Variants in GPC4 observed in about 807,000 individuals in gnomAD.
GPC4 encodes the protein glypican 4.
In GPC4, 10 loss-of-function variants were observed where a neutral mutation model predicts 35.0. The ratio of observed to expected loss-of-function variants is 0.29; its 90% CI spans 0.18 to 0.48. GPC4 has a LOEUF of 0.48. Among genes scored for constraint, GPC4 ranks in the 20% least tolerant of loss-of-function variants. The pLI is 0.99. For missense variants in GPC4, 322 were observed against 451.3 expected, an observed-to-expected ratio of 0.71 and a Z score of 2.60; for synonymous variants, 167 against 170.2, an observed-to-expected ratio of 0.98 and a Z score of 0.15.
chrX:133,354,552 A>ATTT (rs1569348984), intron 1 of GPC4, among the ~76,000 whole-genome samples: 1 of 89,045 alleles, frequency 1.1e-5, no homozygotes, highest in African/African-American at 5.5e-5. Context: ...TTATTTATTT[A>ATTT]TTTATTTATT....
At chrX:133,377,774 G>C (rs890627791) in intron 1 of GPC4, among the ~76,000 whole-genome samples, 3 of 110,458 alleles carry the variant, frequency 2.7e-5, no homozygotes, top group Non-Finnish European at 3.8e-5. Context: ...GCTAATAAGT[G>C]GCAGTGAGGC....
At chrX:133,305,974 G>C (rs1437873594) in intron 5 of GPC4, 50 bp downstream of exon 5, 1 of 1,207,815 alleles carries the variant, frequency 8.3e-7, no homozygotes, top group African/African-American at 1.8e-5. Flanking sequence ...GCGGGAGGCG[G>C]AGGCGGGGGA....
chrX:133,312,314 G>A (rs894909233), intron 3 of GPC4, among the ~76,000 whole-genome samples: 2 of 110,748 alleles, frequency 1.8e-5, no homozygotes, highest in Non-Finnish European at 3.8e-5. Context: ...GAATTTAGAG[G>A]GGCTTAAACA....
At chrX:133,352,901 A>G (rs2068522927) in intron 1 of GPC4, among the ~76,000 whole-genome samples, 1 of 111,993 alleles carries the variant, frequency 8.9e-6, no homozygotes, top group East Asian at 2.8e-4. Flanking sequence ...CTTAAGTACC[A>G]CAGGGAAGGA....
chrX:133,354,568 A>ATTTTTTTTTTTTTTTT (rs77166014), intron 1 of GPC4, among the ~76,000 whole-genome samples: 1 of 95,206 alleles, frequency 1.1e-5, no homozygotes, highest in African/African-American at 4.2e-5. Context: ...TTATTTATTT[A>ATTTTTTTTTTTTTTTT]TTTTTTTTTT....
At chrX:133,307,314 G>C (rs755802686) in intron 4 of GPC4, among the ~76,000 whole-genome samples, 2 of 112,083 alleles carry the variant, frequency 1.8e-5, no homozygotes, top group South Asian at 3.8e-4. Context: ...AGCAGCATAG[G>C]CATCAGCATA....
chrX:133,392,982 A>T (rs760117430), intron 1 of GPC4, among the ~76,000 whole-genome samples: 12 of 112,412 alleles, frequency 1.1e-4, no homozygotes, highest in Non-Finnish European at 2.1e-4. Context: ...CGTGGAAGCC[A>T]ATGACACAGG....
chrX:133,389,567 C>T (rs1354846710), intron 1 of GPC4, among the ~76,000 whole-genome samples: 1 of 111,391 alleles, frequency 9.0e-6, no homozygotes, highest in Non-Finnish European at 1.9e-5. Flanking sequence ...AGGAAGAACA[C>T]GTGTATAAAG....
intron 1 of GPC4, among the ~76,000 whole-genome samples, chrX:133,362,696 T>A (rs754261287): frequency 1.8e-5 from 2 of 112,167 alleles, no homozygotes; most frequent in African/African-American, 6.5e-5. Context: ...GGAACAAACA[T>A]CCTCTGTCAG....
intron 2 of GPC4, among the ~76,000 whole-genome samples, chrX:133,335,220 G>C (rs767421889): frequency 9.0e-6 from 1 of 111,432 alleles, no homozygotes; most frequent in Non-Finnish European, 1.9e-5. Context: ...TTGGCCAAGA[G>C]GGGGAGCAGC....
intron 1 of GPC4, among the ~76,000 whole-genome samples, chrX:133,395,629 T>A (rs1164077514): frequency 9.0e-6 from 1 of 111,373 alleles, no homozygotes; most frequent in Admixed American, 9.6e-5. Flanking sequence ...ATCTCAAAAA[T>A]AAAAAAATGA....
intron 1 of GPC4, among the ~76,000 whole-genome samples, chrX:133,398,635 G>A (rs2068755032): frequency 9.1e-6 from 1 of 110,481 alleles, no homozygotes; most frequent in Non-Finnish European, 1.9e-5. Context: ...AGGTGTGGTG[G>A]CAAGCACCTG....
intron 2 of GPC4, among the ~76,000 whole-genome samples, chrX:133,333,110 T>C (rs1012139021): frequency 1.8e-5 from 2 of 112,256 alleles, no homozygotes; most frequent in African/African-American, 6.5e-5. Context: ...ATTCTCTCAA[T>C]CAATCGGTTG....
Position 133,339,430 on chromosome X carries a change from T to G in GPC4, c.161-89A>C, listed in dbSNP as rs941774744. 4.7e-5 allele frequency: 40 copies of G among 846,636 alleles called. No individual in the cohort carries two copies. In the African/African-American group the frequency reaches 7.1e-4, roughly 15 times the overall value. The allele number at this position is 846,636 out of a possible 1,213,427, so 69.8% of individuals were successfully genotyped here. ...TTTGATTTAGGTTCATTTCAACCTG[T>G]GAGGCTCCTGCAAAGGCCCAGGCAA... is the stretch of plus-strand genomic sequence containing the variant. On this transcript the variant is annotated intron_variant, in intron 1 of 8. Coordinates refer to ENST00000370828, the MANE Select transcript of GPC4 (RefSeq NM_001448.3).
chrX:133,342,418 G>T (rs1286380747), intron 1 of GPC4, among the ~76,000 whole-genome samples: 1 of 111,653 alleles, frequency 9.0e-6, no homozygotes, highest in African/African-American at 3.3e-5. Context: ...GTCTAATGGT[G>T]AAAGGCTTGC....
At chrX:133,414,672 C>T in intron 1 of GPC4, 134 bp downstream of exon 1, 1 of 1,139,851 alleles carries the variant, frequency 8.8e-7, no homozygotes, top group Non-Finnish European at 1.2e-6. Flanking sequence ...TCGCTCCTGC[C>T]CTCTCGACTG....
intron 1 of GPC4, among the ~76,000 whole-genome samples, chrX:133,406,777 A>C (rs1264445700): frequency 9.5e-6 from 1 of 105,623 alleles, no homozygotes; most frequent in Non-Finnish European, 1.9e-5. Context: ...AAAGAAAATT[A>C]AAAAAAACTA....
intron 4 of GPC4, among the ~76,000 whole-genome samples, chrX:133,310,624 C>A (rs2068310706): frequency 1.8e-5 from 2 of 111,946 alleles, no homozygotes; most frequent in Admixed American, 1.9e-4. Flanking sequence ...AAATGGTGTA[C>A]AGAAACAGAA....
At chrX:133,364,656 A>C (rs937495808) in intron 1 of GPC4, among the ~76,000 whole-genome samples, 7 of 112,620 alleles carry the variant, frequency 6.2e-5, no homozygotes, top group African/African-American at 1.9e-4. Context: ...AGTAGAATGA[A>C]ATAGTAAATA....
Sources: gnomAD v4.1 joint callset for allele counts (sites outside exome capture counted in the v4.1 genomes callset) on GRCh38, gnomAD v4.1.1 for gene constraint, MANE v1.5 for transcripts, NCBI Gene and HGNC (gene_info 2026-07-23, HGNC 2026-07-21) for gene names.